CACNA1B: variants seen among roughly 807,000 people sequenced by gnomAD.
CACNA1B encodes voltage-dependent N-type calcium channel subunit alpha-1B.
CACNA1B carries 70 observed loss-of-function variants against 247.2 expected under a neutral mutation model. The observed-to-expected ratio is 0.28, with a 90% CI of 0.23 to 0.35. CACNA1B has a LOEUF of 0.35. Ranked by LOEUF, CACNA1B falls within the 10% of genes least tolerant of loss-of-function variation. The pLI is 1.00. For synonymous variants in CACNA1B, 1,231 were observed against 1,294.4 expected, an observed-to-expected ratio of 0.95 and a Z score of 1.05; for missense variants, 2,367 against 3,197.4, an observed-to-expected ratio of 0.74 and a Z score of 6.26.
At chr9:137,975,243 C>T (rs73669809) in intron 11 of CACNA1B, among the ~76,000 whole-genome samples, 4,825 of 152,228 alleles carry the variant, frequency 0.032, 233 homozygotes, top group African/African-American at 0.11. Context: ...CTGCTGTGCC[C>T]GCAGGAACCT....
Position 137,917,228 on chromosome 9 carries a change from C to A in CACNA1B, c.776-13C>A. Reference sequence around the variant, plus strand: ...TTCTGAGCTCAGGGTCTGCTTCATTCTCCTTCTTGCAGATGCGGAGCCCGT... The same window carrying A: ...TTCTGAGCTCAGGGTCTGCTTCATTATCCTTCTTGCAGATGCGGAGCCCGT... On this transcript the variant is annotated splice_polypyrimidine_tract_variant and intron_variant, in intron 5 of 46. Coordinates refer to ENST00000371372, the MANE Select transcript of CACNA1B (RefSeq NM_000718.4). This position sits in a 1 kb window ranked among gnomAD's most constrained non-coding sequence, Gnocchi z 5.5. The A allele has an allele frequency of 6.2e-7, 1 of 1,606,932 alleles. No homozygotes were observed. Among genetic ancestry groups the A allele is most frequent in the South Asian group, 1.1e-5 (1 of 89,764 alleles).
rs549322495 is a variant in CACNA1B at position 138,084,695 on chromosome 9, T to C, written c.5094+6437T>C. On this transcript the variant is annotated intron_variant, in intron 36 of 46. Transcript: ENST00000371372. ...CACCAGGTGTGGTGGCTCACGCCTG[T>C]AATCCCAGCACTTTGGGAGGCCGAG... Among the ~76,000 whole-genome samples, 343 of 151,292 alleles carry C rather than the reference T, an allele frequency of 2.3e-3. 17 individuals are homozygous for C. Among genetic ancestry groups the C allele is most frequent in the African/African-American group, 8.0e-3 (328 of 40,954 alleles).
intron 6 of CACNA1B, among the ~76,000 whole-genome samples, chr9:137,930,402 T>G (rs912590096): frequency 6.6e-6 from 1 of 152,244 alleles, no homozygotes; most frequent in Admixed American, 6.5e-5. Flanking sequence ...GAGAGTTACC[T>G]GTTATCTTTC....
chr9:138,068,951 G>T lies in CACNA1B; in HGVS notation c.4669-807G>T, dbSNP rs545668758. 5.5e-4 allele frequency among the ~76,000 whole-genome samples: 84 copies of T among 152,306 alleles called. 1 individual carries two copies. The highest frequency in any genetic ancestry group is 1.9e-3 in the African/African-American group (79 of 41,568). On this transcript the variant is annotated intron_variant, in intron 31 of 46. Coordinates refer to ENST00000371372, the MANE Select transcript of CACNA1B (RefSeq NM_000718.4). Reference sequence around the variant, plus strand: ...CCTCAGCTGCGAGACAGTCGAGGCCGGGCTGTTTGTGGTCGTGTCAGACCC... The same window carrying T: ...CCTCAGCTGCGAGACAGTCGAGGCCTGGCTGTTTGTGGTCGTGTCAGACCC...
At chr9:138,076,618 G>A (rs756275669) in intron 35 of CACNA1B, among the ~76,000 whole-genome samples, 3 of 152,196 alleles carry the variant, frequency 2.0e-5, no homozygotes, top group Non-Finnish European at 4.4e-5. Context: ...TCCTGGGCGC[G>A]GAACAGGAGC....
At chr9:138,036,199 G>A (rs1243800381) in intron 20 of CACNA1B, among the ~76,000 whole-genome samples, 3 of 152,086 alleles carry the variant, frequency 2.0e-5, no homozygotes, top group Non-Finnish European at 2.9e-5. Flanking sequence ...GAGTGCAGTG[G>A]CGCAATCTTG....
intron 15 of CACNA1B, among the ~76,000 whole-genome samples, chr9:137,999,325 T>C (rs1319093975): frequency 1.3e-5 from 2 of 152,162 alleles, no homozygotes; most frequent in East Asian, 1.9e-4. Context: ...TGAAAAGTCA[T>C]TTAATATCTT....
chr9:138,059,117 A>G lies in CACNA1B; in HGVS notation c.4512A>G (p.Lys1504=), dbSNP rs184224704. 2 of 1,613,118 alleles carry G rather than the reference A, an allele frequency of 1.2e-6. No homozygotes were observed. Among genetic ancestry groups the G allele is most frequent in the Admixed American group, 1.7e-5 (1 of 59,992 alleles). The change falls in exon 30 of 47, where the codon AAA becomes AAG. Residue 1504 remains lysine, a synonymous_variant. Transcript: ENST00000371372. The surrounding 1 kb of genome is among the most constrained non-coding windows in gnomAD (Gnocchi z 4.2). Reference sequence around the variant, plus strand: ...CCTATGAGTACGAGCTGATGCTGAAATGCCTGAACATCGTGTTCACATCCA... The same window carrying G: ...CCTATGAGTACGAGCTGATGCTGAAGTGCCTGAACATCGTGTTCACATCCA... ...DAPYEYELML[K]CLNIVFTSMF... is the part of the protein sequence containing the mutation.
chr9:138,120,904 T>G (rs2131374661), intron 46 of CACNA1B, 23 bp downstream of exon 46: 1 of 1,543,426 alleles, frequency 6.5e-7, no homozygotes, highest in Non-Finnish European at 8.7e-7. Context: ...GGTGGAGAGG[T>G]CAGGGCCCAG....
At position 137,984,451 on chromosome 9, in the gene CACNA1B, C is replaced by T. The variant is rs7869398; in HGVS notation, c.1769+201C>T. ...CTCAGGGCCATCCCTGACTGGCCTC[C>T]GTGCTGCCGGCACACCCTTTAGCTT... On this transcript the variant is annotated intron_variant, in intron 13 of 46. Transcript: ENST00000371372. Among the ~76,000 whole-genome samples the T allele has an allele frequency of 0.27, 41,511 of 152,258 alleles. 7,807 individuals are homozygous for T. The highest frequency in any genetic ancestry group is 0.64 in the East Asian group (3,322 of 5,166).
intron 15 of CACNA1B, among the ~76,000 whole-genome samples, chr9:138,005,507 C>T (rs988138746): frequency 6.6e-6 from 1 of 152,154 alleles, no homozygotes; most frequent in African/African-American, 2.4e-5. Flanking sequence ...GGTACAAACA[C>T]AGTTAGATAG....
rs571481784 is a variant in CACNA1B at position 137,919,320 on chromosome 9, G to A, written c.966+1889G>A. On this transcript the variant is annotated intron_variant, in intron 6 of 46. Transcript: ENST00000371372. This position sits in a 1 kb window ranked among gnomAD's most constrained non-coding sequence, Gnocchi z 4.6. ...GAGTGCCGTGAAGAAAACAGAAGAG[G>A]TTGAGGAGCAGGCAGTGACGAGGTA... Among the ~76,000 whole-genome samples, 10 of 152,364 alleles carry A rather than the reference G, an allele frequency of 6.6e-5. 1 individual carries two copies. Among genetic ancestry groups the A allele is most frequent in the African/African-American group, 1.9e-4 (8 of 41,588 alleles).
rs199502462 is a variant in CACNA1B at position 138,115,576 on chromosome 9, C to T, written c.5674C>T (p.Pro1892Ser). 12 of 1,613,618 alleles carry T rather than the reference C, an allele frequency of 7.4e-6. No homozygotes were observed. The highest frequency in any genetic ancestry group is 9.3e-6 in the Non-Finnish European group (11 of 1,179,820). The change falls in exon 42 of 47, where the codon CCT becomes TCT. Residue 1892 changes from proline to serine, a missense_variant. This residue lies in a region of CACNA1B where 773 missense variants were observed against 779.4 expected (regional missense o/e 0.99). Transcript: ENST00000371372. ...GATGGGTCCTGTGTCCCTGTTCCAC[C>T]CTCTGAAGGCCACCCTGGAGCAGAC... ...SQMGPVSLFH[P>S]LKATLEQTQP...
chr9:137,895,191 G>A (rs181176967), intron 3 of CACNA1B, among the ~76,000 whole-genome samples: 15 of 152,178 alleles, frequency 9.9e-5, no homozygotes, highest in Admixed American at 5.9e-4. Flanking sequence ...TCTTTATTCC[G>A]TTCCATTGAT....
rs945458196 is a variant in CACNA1B at position 137,950,020 on chromosome 9, A to C, written c.967-2254A>C. ...AACTGGCCATTTTTGGCCTTTCAGC[A>C]TGGGACCTTGGATCTCAGTTAAGCA... On this transcript the variant is annotated intron_variant, in intron 6 of 46. Coordinates refer to ENST00000371372, the MANE Select transcript of CACNA1B (RefSeq NM_000718.4). The surrounding 1 kb of genome is among the most constrained non-coding windows in gnomAD (Gnocchi z 4.8). Among the ~76,000 whole-genome samples, 2 of 152,202 alleles carry C rather than the reference A, an allele frequency of 1.3e-5. No individual in the cohort carries two copies. The highest frequency in any genetic ancestry group is 2.4e-5 in the African/African-American group (1 of 41,458).
At chr9:138,069,702 C>A in intron 31 of CACNA1B, 56 bp from the exon 32 acceptor site, 14 of 1,473,630 alleles carry the variant, frequency 9.5e-6, no homozygotes, top group Non-Finnish European at 1.3e-5. Context: ...GCTGCTCAAA[C>A]CTCCCCAATT....
intron 16 of CACNA1B, 62 bp downstream of exon 16, chr9:138,006,946 C>A: frequency 3.6e-6 from 3 of 832,622 alleles, no homozygotes; most frequent in East Asian, 2.6e-5. Flanking sequence ...TTCTCCATGG[C>A]CACCACGCGG....
rs566253512 is a variant in CACNA1B, at chr9:137,971,967, C to T, written c.1543+375C>T. Among the ~76,000 whole-genome samples the T allele has an allele frequency of 1.5e-4, 23 of 152,272 alleles. No homozygotes were observed. Among genetic ancestry groups the T allele is most frequent in the African/African-American group, 5.3e-4 (22 of 41,542 alleles). On this transcript the variant is annotated intron_variant, in intron 11 of 46. Transcript: ENST00000371372. This position sits in a 1 kb window ranked among gnomAD's most constrained non-coding sequence, Gnocchi z 4.4. ...CCTGAGAGGGCTTCAGACCCACAGA[C>T]AGGGGACTTAGCCCCACGCTCCTTT... is the stretch of plus-strand genomic sequence containing the variant.
chr9:137,886,347 G>A (rs2133230421), intron 3 of CACNA1B, among the ~76,000 whole-genome samples: 1 of 152,268 alleles, frequency 6.6e-6, no homozygotes, highest in Admixed American at 6.5e-5. Context: ...CGGGGAGGAG[G>A]TGGGAGGAGG....
Sources: gnomAD v4.1 joint callset for allele counts (sites outside exome capture counted in the v4.1 genomes callset) on GRCh38, gnomAD v4.1.1 for gene constraint, gnomAD v4.1.1 regional missense constraint, Gnocchi (gnomAD v3.1) non-coding constraint, MANE v1.5 for transcripts, NCBI Gene and HGNC (gene_info 2026-07-23, HGNC 2026-07-21) for gene names.